Variants in MYLK4 observed in about 807,000 individuals in gnomAD.
MYLK4 encodes myosin light chain kinase family member 4.
A neutral mutation model predicts 48.1 loss-of-function variants in MYLK4; 46 were observed. That is an observed-to-expected ratio of 0.96 (90% CI 0.75 to 1.22). MYLK4 has a LOEUF of 1.22. Among genes scored for constraint, MYLK4 ranks in the 50% most tolerant of loss-of-function variants. MYLK4 has a pLI of 0.00. For missense variants in MYLK4, 451 were observed against 486.1 expected, an observed-to-expected ratio of 0.93 and a Z score of 0.68; for synonymous variants, 170 against 180.8, an observed-to-expected ratio of 0.94 and a Z score of 0.48.
chr6:2,769,103 C>G, the MYLK4 span, among the ~76,000 whole-genome samples: 1 of 152,132 alleles, frequency 6.6e-6, no homozygotes, highest in African/African-American at 2.4e-5. Context: ...GTTGGCATAT[C>G]CCTGAGCTAT....
At chr6:2,722,281 G>C (rs1309941714) in intron 2 of MYLK4, among the ~76,000 whole-genome samples, 1 of 152,222 alleles carries the variant, frequency 6.6e-6, no homozygotes, top group Admixed American at 6.5e-5. Context: ...TTTAGAGTAT[G>C]AGATGCGTCT....
the MYLK4 span, among the ~76,000 whole-genome samples, chr6:2,763,668 G>C: frequency 6.6e-6 from 1 of 152,256 alleles, no homozygotes; most frequent in Admixed American, 6.5e-5. Flanking sequence ...TTCCCCACAA[G>C]CTGAGGGAGC....
At chr6:2,762,067 A>ACACC in the MYLK4 span, among the ~76,000 whole-genome samples, 8 of 152,114 alleles carry the variant, frequency 5.3e-5, no homozygotes, top group Non-Finnish European at 1.0e-4. Flanking sequence ...TCGCACCGCC[A>ACACC]CACCCAGCTA....
chr6:2,690,101 G>A (rs1761715821), intron 3 of MYLK4, among the ~76,000 whole-genome samples: 2 of 152,200 alleles, frequency 1.3e-5, no homozygotes. Flanking sequence ...TGCTGGAGAA[G>A]GTTAAAAAGC....
intron 1 of MYLK4, among the ~76,000 whole-genome samples, chr6:2,750,453 C>T (rs1405763693): frequency 6.6e-6 from 1 of 152,080 alleles, no homozygotes; most frequent in Non-Finnish European, 1.5e-5. Context: ...TTTCAAATTG[C>T]CCTGAAAAAA....
At chr6:2,754,189 T>C (rs1764365985), upstream of MYLK4, among the ~76,000 whole-genome samples, 1 of 152,052 alleles carries the variant, frequency 6.6e-6, no homozygotes. Flanking sequence ...CCAAGAGAAA[T>C]GAAAACATAT....
the MYLK4 span, chr6:2,766,280 C>T: frequency 2.5e-6 from 4 of 1,588,430 alleles, no homozygotes; most frequent in Non-Finnish European, 3.4e-6. Flanking sequence ...GGAGATCCGA[C>T]AGATGCTACA....
chr6:2,728,487 C>A (rs1763366288), intron 2 of MYLK4, among the ~76,000 whole-genome samples: 1 of 152,114 alleles, frequency 6.6e-6, no homozygotes, highest in Non-Finnish European at 1.5e-5. Flanking sequence ...CTGTGTCCCG[C>A]AGCCGACCTG....
intron 4 of MYLK4, among the ~76,000 whole-genome samples, chr6:2,687,626 T>G (rs954752732): frequency 2.6e-5 from 4 of 152,202 alleles, no homozygotes; most frequent in Admixed American, 2.6e-4. Context: ...GTGGAATTCC[T>G]GTTTCTCCCT....
At chr6:2,675,166 A>T in intron 10 of MYLK4, 41 bp from the exon 11 acceptor site, 1 of 1,452,356 alleles carries the variant, frequency 6.9e-7, no homozygotes, top group Non-Finnish European at 9.7e-7. Flanking sequence ...AAACACACCG[A>T]AGAAGGCCTG....
the MYLK4 span, chr6:2,766,027 G>C: frequency 7.6e-7 from 1 of 1,321,262 alleles, no homozygotes; most frequent in Non-Finnish European, 9.6e-7. Flanking sequence ...GCAGCCCCGG[G>C]AGGAAGGGGT....
At chr6:2,705,986 A>C (rs1190004747) in intron 2 of MYLK4, among the ~76,000 whole-genome samples, 1 of 152,072 alleles carries the variant, frequency 6.6e-6, no homozygotes, top group Non-Finnish European at 1.5e-5. Flanking sequence ...GATTCTACCC[A>C]ATTTCACCTA....
At chr6:2,683,196 C>G in intron 6 of MYLK4, 34 bp from the exon 7 acceptor site, 2 of 1,612,520 alleles carry the variant, frequency 1.2e-6, no homozygotes, top group Non-Finnish European at 1.7e-6. Context: ...CCCTCAGTCC[C>G]GATTTCCTTA....
chr6:2,765,203 C>T, the MYLK4 span, among the ~76,000 whole-genome samples: 493 of 127,958 alleles, frequency 3.9e-3, 9 homozygotes, highest in African/African-American at 0.012. Context: ...CGCCCCTCCC[C>T]CGCCCCCGCA....
chr6:2,707,434 C>T (rs1018676229), intron 2 of MYLK4, among the ~76,000 whole-genome samples: 2 of 151,958 alleles, frequency 1.3e-5, no homozygotes, highest in African/African-American at 2.4e-5. Context: ...CACATTTACA[C>T]GCACACACAA....
intron 2 of MYLK4, among the ~76,000 whole-genome samples, chr6:2,700,720 G>A (rs1335975031): frequency 6.6e-6 from 1 of 152,082 alleles, no homozygotes; most frequent in Non-Finnish European, 1.5e-5. Flanking sequence ...AAAATCCAAC[G>A]TTGCCAACCA....
chr6:2,715,525 G>A (rs1016020989), intron 2 of MYLK4, among the ~76,000 whole-genome samples: 5 of 152,188 alleles, frequency 3.3e-5, no homozygotes, highest in African/African-American at 9.7e-5. Flanking sequence ...AGAGAAAAGC[G>A]TGGTGTTAAC....
chr6:2,685,608 GC>G lies in MYLK4; in HGVS notation c.342-33del. The G allele has an allele frequency of 6.2e-7, 1 of 1,605,726 alleles. No individual in the cohort carries two copies. Among genetic ancestry groups the G allele is most frequent in the East Asian group, 2.2e-5 (1 of 44,848 alleles). On this transcript the variant is annotated intron_variant, in intron 4 of 12. Transcript: ENST00000274643. The surrounding 1 kb of genome is among the most constrained non-coding windows in gnomAD (Gnocchi z 4.5). The stretch of plus-strand genomic sequence containing the variant: ...AAAAGAGGAAGCGGCGTAGCATGAG[GC>G]CCTGTGGTCAGCTGCCGAGTGGACA...
At chr6:2,686,727 A>G (rs1761567879) in intron 4 of MYLK4, among the ~76,000 whole-genome samples, 1 of 152,326 alleles carries the variant, frequency 6.6e-6, no homozygotes, top group Admixed American at 6.5e-5. Flanking sequence ...CACCCAGCAC[A>G]GAGGCAGATG....
Sources: allele counts gnomAD v4.1 joint callset (sites outside exome capture counted in the v4.1 genomes callset), GRCh38; gene constraint gnomAD v4.1.1; non-coding constraint Gnocchi (gnomAD v3.1); transcripts MANE v1.5; gene names NCBI Gene and HGNC (gene_info 2026-07-23, HGNC 2026-07-21).